MTCL1: variants seen among roughly 807,000 people sequenced by gnomAD.
The protein encoded by MTCL1 is microtubule crosslinking factor 1.
In MTCL1, 79 loss-of-function variants were observed where a neutral mutation model predicts 141.4. That is an observed-to-expected ratio of 0.56 (90% CI 0.47 to 0.67). MTCL1 has a LOEUF of 0.67. Ranked by LOEUF, MTCL1 falls within the 30% of genes least tolerant of loss-of-function variation. MTCL1 has a pLI of 0.00. For missense variants in MTCL1, 2,177 were observed against 2,113.9 expected (o/e 1.03, Z -0.59); for synonymous variants, 914 against 875.8 (o/e 1.04, Z -0.77).
intron 13 of MTCL1, among the ~76,000 whole-genome samples, chr18:8,820,751 G>A (rs530030572): frequency 1.3e-5 from 2 of 152,300 alleles, no homozygotes; most frequent in South Asian, 2.1e-4. Context: ...CAAGGGGCAT[G>A]CTCATTAAGG....
At chr18:8,769,543 G>T (rs1173093986) in intron 4 of MTCL1, among the ~76,000 whole-genome samples, 1 of 152,178 alleles carries the variant, frequency 6.6e-6, no homozygotes, top group Non-Finnish European at 1.5e-5. Flanking sequence ...GTTAAAATGA[G>T]CCAACCAGCT....
chr18:8,786,089 G>A, exon 7 of MTCL1: 2 of 1,560,082 alleles, frequency 1.3e-6, no homozygotes, highest in Middle Eastern at 1.8e-4. Context: ...CTTCAGCCTG[G>A]AGGTCAGCGT....
At chr18:8,784,817 G>A (rs758230266) in exon 6 of MTCL1, 2 of 1,604,686 alleles carry the variant, frequency 1.2e-6, no homozygotes, top group South Asian at 2.2e-5. Flanking sequence ...CGGGAACCTG[G>A]GGAAGGAGCT....
chr18:8,761,442 G>A (rs1205992359), intron 4 of MTCL1, among the ~76,000 whole-genome samples: 1 of 152,158 alleles, frequency 6.6e-6, no homozygotes, highest in African/African-American at 2.4e-5. Context: ...TCTATTTCAA[G>A]AACTTCATCA....
intron 10 of MTCL1, among the ~76,000 whole-genome samples, chr18:8,800,001 A>C (rs2076061141): frequency 6.6e-6 from 1 of 152,228 alleles, no homozygotes; most frequent in Non-Finnish European, 1.5e-5. Flanking sequence ...GGTGGGGTCC[A>C]GACACTCAGA....
At chr18:8,748,338 A>G (rs1236164407) in intron 4 of MTCL1, among the ~76,000 whole-genome samples, 2 of 152,146 alleles carry the variant, frequency 1.3e-5, no homozygotes, top group African/African-American at 4.8e-5. Context: ...GCCCCCAGGA[A>G]TTGGAGACCA....
intron 10 of MTCL1, among the ~76,000 whole-genome samples, chr18:8,805,977 G>A (rs973593742): frequency 6.6e-6 from 1 of 152,154 alleles, no homozygotes; most frequent in Non-Finnish European, 1.5e-5. Context: ...TCAAAGGGCT[G>A]GGCAGGTTTC....
intron 4 of MTCL1, among the ~76,000 whole-genome samples, chr18:8,776,821 G>T (rs1194682612): frequency 6.6e-6 from 1 of 151,918 alleles, no homozygotes; most frequent in Non-Finnish European, 1.5e-5. Context: ...ATGGCTATAG[G>T]CCTGATCATA....
At chr18:8,785,959 G>A (rs1435705288) in exon 7 of MTCL1, 5 of 1,600,638 alleles carry the variant, frequency 3.1e-6, no homozygotes, top group Non-Finnish European at 4.3e-6. Flanking sequence ...AGCAGCTGGA[G>A]TGGCAGCTCG....
intron 7 of MTCL1, 199 bp downstream of exon 6, chr18:8,786,290 T>G (rs1207619518): frequency 1.1e-5 from 8 of 718,530 alleles, no homozygotes; most frequent in African/African-American, 5.2e-5. Context: ...TGCGGTGAAC[T>G]GCTGTGCTCG....
Position 8,819,077 on chromosome 18 carries a change from A to G in MTCL1, c.2974A>G (p.Met992Val), listed in dbSNP as rs201332575. Reference sequence around the variant, plus strand: ...CCTCCGCATGCCCCGTCCAGTGGCCATGTGGCCTTGTGCAGATGCTGACTC... The same window carrying G: ...CCTCCGCATGCCCCGTCCAGTGGCCGTGTGGCCTTGTGCAGATGCTGACTC... The change falls in exon 13 of 17, where the codon ATG becomes GTG. Residue 992 changes from methionine (M) to valine (V), a missense_variant. Met to Val is a conservative substitution (Grantham distance 21, BLOSUM62 1). Coordinates refer to ENST00000359865, the Ensembl canonical transcript of MTCL1. 4.3e-4 allele frequency: 691 copies of G among 1,614,238 alleles called. 2 individuals are homozygous for G. Among genetic ancestry groups the G allele is most frequent in the South Asian group, 1.5e-3 (139 of 91,090 alleles).
intron 16 of MTCL1, chr18:8,831,034 C>A (rs1165903800): frequency 2.0e-6 from 2 of 985,582 alleles, no homozygotes; most frequent in Non-Finnish European, 2.4e-6. Flanking sequence ...TTTCTGCCTG[C>A]AGCATTTTTG....
At chr18:8,716,368 G>T (rs2096128182), upstream of MTCL1, among the ~76,000 whole-genome samples, 1 of 152,124 alleles carries the variant, frequency 6.6e-6, no homozygotes, top group Admixed American at 6.5e-5. Context: ...GAACCTACAT[G>T]CTGGATTGGG....
At chr18:8,710,842 T>C (rs1447898067) in intron 1 of MTCL1, among the ~76,000 whole-genome samples, 19 of 43,570 alleles carry the variant, frequency 4.4e-4, no homozygotes, top group African/African-American at 2.3e-3. Flanking sequence ...GCTTTCTTTT[T>C]TTTTTTTTTT....
intron 4 of MTCL1, among the ~76,000 whole-genome samples, chr18:8,777,281 A>G (rs548629858): frequency 1.6e-4 from 24 of 152,278 alleles, no homozygotes; most frequent in African/African-American, 5.8e-4. Flanking sequence ...TGTGGAGACA[A>G]GGTCTTATTA....
In MTCL1 at chr18:8,724,522, C is replaced by T. The variant is rs115996369; in HGVS notation, c.357+4026C>T. Among the ~76,000 whole-genome samples the T allele has an allele frequency of 7.8e-3, 1,187 of 152,346 alleles. 13 individuals carry two copies. The highest frequency in any genetic ancestry group is 0.027 in the African/African-American group (1,128 of 41,570). On this transcript the variant is annotated intron_variant, in intron 4 of 16. Coordinates refer to ENST00000359865, the Ensembl canonical transcript of MTCL1. ...GAGCTGAAAGTGTAGGCTGACCATACACGTTGAATGTGTACACGATTTCTA... is the reference window on the plus strand; with the variant it reads ...GAGCTGAAAGTGTAGGCTGACCATATACGTTGAATGTGTACACGATTTCTA...
exon 6 of MTCL1, chr18:8,784,718 A>G: frequency 1.9e-6 from 3 of 1,614,192 alleles, no homozygotes; most frequent in African/African-American, 1.3e-5. Context: ...GGTGAACCGC[A>G]TTGGGGATGG....
At chr18:8,776,287 C>G (rs904829034) in intron 4 of MTCL1, among the ~76,000 whole-genome samples, 4 of 152,190 alleles carry the variant, frequency 2.6e-5, no homozygotes, top group Non-Finnish European at 4.4e-5. Flanking sequence ...TAGCTTTCCT[C>G]AGGATTAACT....
At chr18:8,826,083 A>T (rs773294240) in exon 15 of MTCL1, 1 of 1,611,192 alleles carries the variant, frequency 6.2e-7, no homozygotes, top group Non-Finnish European at 8.5e-7. Flanking sequence ...CCCTGGCTAC[A>T]CGCTCACTGA....
Sources: allele counts gnomAD v4.1 joint callset (sites outside exome capture counted in the v4.1 genomes callset), GRCh38; gene constraint gnomAD v4.1.1; transcripts MANE v1.5; gene names NCBI Gene and HGNC (gene_info 2026-07-23, HGNC 2026-07-21).